The following DLG2 variants were observed in gnomAD, a reference collection of about 807,000 sequenced individuals.
DLG2 encodes the protein discs large MAGUK scaffold protein 2, also known as disks large homolog 2.
DLG2 carries 45 observed loss-of-function variants against 132.5 expected under a neutral mutation model. The ratio of observed to expected loss-of-function variants is 0.34; its 90% CI spans 0.27 to 0.44. The LOEUF (loss-of-function observed/expected upper bound fraction) is 0.44, where lower values mean the gene tolerates loss of function less well. DLG2 is among the 20% of genes least tolerant of loss of function. The pLI is 1.00. For synonymous variants in DLG2, 424 were observed against 419.6 expected (o/e 1.01, Z -0.13); for missense variants, 1,045 against 1,196.9 (o/e 0.87, Z 1.87).
rs73511170 is a variant in DLG2 at position 84,624,227 on chromosome 11, T to C, written c.358-89496A>G. ...GAGAAACTTCAGCAGTGTATTTTCC[T>C]GTTTTTCTTTTATACCATGCCTATT... On this transcript the variant is annotated intron_variant, in intron 6 of 27. Transcript: ENST00000376104. Among the ~76,000 whole-genome samples, 585 of 152,324 alleles carry C rather than the reference T, an allele frequency of 3.8e-3. 5 individuals are homozygous for C. Among genetic ancestry groups the C allele is most frequent in the African/African-American group, 0.014 (568 of 41,580 alleles).
At chr11:85,431,467 G>A (rs770306464) in intron 3 of DLG2, among the ~76,000 whole-genome samples, 5 of 152,214 alleles carry the variant, frequency 3.3e-5, no homozygotes, top group Admixed American at 2.0e-4. Context: ...CCCAACCACG[G>A]AGCCCTGCAG....
intron 3 of DLG2, among the ~76,000 whole-genome samples, chr11:85,507,147 G>A (rs935143507): frequency 1.3e-5 from 2 of 152,062 alleles, no homozygotes; most frequent in Non-Finnish European, 2.9e-5. Flanking sequence ...ACATTGATGG[G>A]TCTTGACTCT....
intron 21 of DLG2, among the ~76,000 whole-genome samples, chr11:83,493,332 TTTCTTTCCTTCCTTCCTTCCTTCC>T (rs1280786660): frequency 7.4e-6 from 1 of 135,780 alleles, no homozygotes; most frequent in African/African-American, 2.8e-5. Flanking sequence ...TTGTCTTTTC[TTTCTTTCCTTCCTTCCTTCCTTCC>T]TTCCTTCCTT....
chr11:83,526,758 C>G (rs2095619394), intron 21 of DLG2, among the ~76,000 whole-genome samples: 1 of 152,076 alleles, frequency 6.6e-6, no homozygotes, highest in African/African-American at 2.4e-5. Context: ...GAAAGTGAAC[C>G]ATGTTTTATT....
chr11:83,843,615 A>G (rs1293081739), intron 16 of DLG2, among the ~76,000 whole-genome samples: 1 of 18,892 alleles, frequency 5.3e-5, no homozygotes, highest in Non-Finnish European at 1.5e-4. Context: ...TCATGAACGG[A>G]AAAAAAAGTG....
intron 6 of DLG2, among the ~76,000 whole-genome samples, chr11:84,794,714 A>G (rs1370887855): frequency 1.3e-5 from 2 of 152,162 alleles, no homozygotes; most frequent in African/African-American, 4.8e-5. Context: ...CTTTGATTTC[A>G]GAGGAAAATT....
intron 11 of DLG2, among the ~76,000 whole-genome samples, chr11:83,982,496 A>C (rs1048317778): frequency 2.6e-5 from 4 of 151,470 alleles, no homozygotes; most frequent in African/African-American, 4.8e-5. Context: ...AAAAAAAAAA[A>C]AAAGAAAAGC....
At chr11:84,788,342 G>A (rs2073278968) in intron 6 of DLG2, among the ~76,000 whole-genome samples, 1 of 151,872 alleles carries the variant, frequency 6.6e-6, no homozygotes, top group Non-Finnish European at 1.5e-5. Context: ...CACATTACTT[G>A]GAACACAACA....
chr11:83,967,041 T>C (rs1236452786), intron 12 of DLG2, among the ~76,000 whole-genome samples: 1 of 152,118 alleles, frequency 6.6e-6, no homozygotes, highest in Non-Finnish European at 1.5e-5. Context: ...CCTCCAAGTC[T>C]ACCCATGTTG....
At chr11:84,562,876 C>A (rs1002721353) in intron 6 of DLG2, among the ~76,000 whole-genome samples, 1 of 151,984 alleles carries the variant, frequency 6.6e-6, no homozygotes, top group Admixed American at 6.6e-5. Context: ...CATCAACCTC[C>A]AAAATAGTTG....
At chr11:83,714,864 G>T (rs147763741) in intron 18 of DLG2, among the ~76,000 whole-genome samples, 279 of 152,270 alleles carry the variant, frequency 1.8e-3, no homozygotes, top group African/African-American at 6.6e-3. Flanking sequence ...GATTCCTCAA[G>T]GATCTAGAAC....
chr11:84,132,803 A>C (rs1164061248), intron 9 of DLG2, among the ~76,000 whole-genome samples: 5 of 152,054 alleles, frequency 3.3e-5, no homozygotes, highest in Non-Finnish European at 5.9e-5. Context: ...TGAGGGAGTA[A>C]TGGTTAAACT....
intron 17 of DLG2, among the ~76,000 whole-genome samples, chr11:83,831,892 G>A (rs1310566662): frequency 6.6e-6 from 1 of 152,040 alleles, no homozygotes; most frequent in African/African-American, 2.4e-5. Flanking sequence ...ATTTGAATAA[G>A]TTAAAGGAAA....
intron 2 of DLG2, among the ~76,000 whole-genome samples, chr11:85,609,846 C>G (rs1053289211): frequency 1.3e-5 from 2 of 152,206 alleles, no homozygotes; most frequent in African/African-American, 4.8e-5. Flanking sequence ...CCGTTACCAT[C>G]CGGGGAATCC....
chr11:84,882,007 T>C (rs2087427195), intron 6 of DLG2, among the ~76,000 whole-genome samples: 1 of 152,156 alleles, frequency 6.6e-6, no homozygotes, highest in Admixed American at 6.6e-5. Flanking sequence ...AATTGATTTG[T>C]GGCTATTGTT....
chr11:84,068,075 C>T (rs888647957), intron 10 of DLG2, among the ~76,000 whole-genome samples: 1 of 152,100 alleles, frequency 6.6e-6, no homozygotes, highest in African/African-American at 2.4e-5. Context: ...GAAATAGAAA[C>T]TTGAGAGCTT....
intron 22 of DLG2, among the ~76,000 whole-genome samples, chr11:83,483,529 T>G (rs1460780054): frequency 1.3e-5 from 2 of 152,026 alleles, no homozygotes; most frequent in Non-Finnish European, 2.9e-5. Flanking sequence ...AACAAAAGAT[T>G]GTAAGAAAAA....
intron 11 of DLG2, among the ~76,000 whole-genome samples, chr11:83,983,555 C>T (rs2092989220): frequency 6.6e-6 from 1 of 151,950 alleles, no homozygotes; most frequent in Non-Finnish European, 1.5e-5. Flanking sequence ...AATTATAAAG[C>T]AACATCTCTG....
At chr11:84,887,565 G>A (rs1326437363) in intron 6 of DLG2, 4 of 152,046 alleles carry the variant, frequency 2.6e-5, no homozygotes, top group Admixed American at 6.6e-5. Context: ...GTGACATCAC[G>A]CTAATATTTG....
Sources: gnomAD v4.1 joint callset for allele counts (sites outside exome capture counted in the v4.1 genomes callset) on GRCh38, gnomAD v4.1.1 for gene constraint, MANE v1.5 for transcripts, NCBI Gene and HGNC (gene_info 2026-07-23, HGNC 2026-07-21) for gene names.